Variants in SGK3 observed in about 807,000 individuals in gnomAD.
SGK3 encodes the protein serum/glucocorticoid regulated kinase family member 3.
SGK3 carries 47 observed loss-of-function variants against 68.5 expected under a neutral mutation model. That is an observed-to-expected ratio of 0.69 (90% CI 0.54 to 0.87). SGK3 has a LOEUF of 0.87. Ranked by LOEUF, SGK3 falls within the 40% of genes least tolerant of loss-of-function variation. The pLI, the probability that SGK3 is intolerant of heterozygous loss-of-function variation, is 0.00. For missense variants in SGK3, 479 were observed against 575.5 expected, an observed-to-expected ratio of 0.83 and a Z score of 1.72; for synonymous variants, 181 against 189.1, an observed-to-expected ratio of 0.96 and a Z score of 0.35.
At chr8:66,749,122 C>T (rs1179904981) in intron 1 of SGK3, among the ~76,000 whole-genome samples, 2 of 152,018 alleles carry the variant, frequency 1.3e-5, no homozygotes, top group South Asian at 2.1e-4. Context: ...TAAGAAAATA[C>T]GAGAGTGGAA....
chr8:66,794,542 C>T (rs919378344), intron 2 of SGK3, among the ~76,000 whole-genome samples: 1 of 152,070 alleles, frequency 6.6e-6, no homozygotes, highest in Admixed American at 6.5e-5. Context: ...CTCCCCACCC[C>T]CCTCACCTAC....
chr8:66,808,857 A>T (rs541484589), intron 4 of SGK3, among the ~76,000 whole-genome samples: 7 of 150,446 alleles, frequency 4.7e-5, no homozygotes, highest in African/African-American at 4.9e-5. Flanking sequence ...GTTTGAAATA[A>T]TTATTTATTT....
chr8:66,776,675 CTATCTT>C (rs1454927544), intron 1 of SGK3, among the ~76,000 whole-genome samples: 2 of 152,326 alleles, frequency 1.3e-5, no homozygotes, highest in South Asian at 4.1e-4. Context: ...ATGATAGTTA[CTATCTT>C]TATCTTTGAC....
intron 1 of SGK3, among the ~76,000 whole-genome samples, chr8:66,737,891 T>C (rs985930675): frequency 6.6e-5 from 10 of 152,122 alleles, no homozygotes; most frequent in Middle Eastern, 3.4e-3. Flanking sequence ...GCTGGAATTA[T>C]AGGCATGAGC....
intron 1 of SGK3, among the ~76,000 whole-genome samples, chr8:66,717,023 CTG>C (rs1320410250): frequency 6.6e-6 from 1 of 151,346 alleles, no homozygotes; most frequent in African/African-American, 2.4e-5. Context: ...CGGCGAAACC[CTG>C]TCTCTACTAA....
chr8:66,839,986 C>G lies in SGK3; in HGVS notation c.742-17C>G, dbSNP rs960604032. ...CTAACATTCTCTCTCCCCCCACCCC[C>G]ACAACCAATTTGACAGCTTTTTTTC... On this transcript the variant is annotated splice_polypyrimidine_tract_variant and intron_variant, in intron 10 of 16. Coordinates refer to ENST00000521198, the MANE Select transcript of SGK3 (RefSeq NM_001033578.3). The G allele has an allele frequency of 6.2e-7, 1 of 1,612,132 alleles. No homozygotes were observed. The highest frequency in any genetic ancestry group is 8.5e-7 in the Non-Finnish European group (1 of 1,178,968).
At chr8:66,721,732 A>AT (rs987305273) in intron 1 of SGK3, among the ~76,000 whole-genome samples, 178 of 143,858 alleles carry the variant, frequency 1.2e-3, no homozygotes, top group African/African-American at 3.8e-3. Context: ...GTTTTGTGCT[A>AT]TTTTTTTTTC....
chr8:66,714,398 A>T (rs1389641912), intron 1 of SGK3, among the ~76,000 whole-genome samples: 2 of 151,634 alleles, frequency 1.3e-5, no homozygotes, highest in Non-Finnish European at 2.9e-5. Flanking sequence ...TAGAGACCCA[A>T]TGTGGTGACT....
chr8:66,718,459 G>A (rs968523241), intron 1 of SGK3, among the ~76,000 whole-genome samples: 1 of 145,416 alleles, frequency 6.9e-6, no homozygotes, highest in Non-Finnish European at 1.6e-5. Flanking sequence ...ATGTGTGTGT[G>A]TGTGTGTGTG....
intron 1 of SGK3, among the ~76,000 whole-genome samples, chr8:66,779,877 A>G (rs1806904722): frequency 6.6e-6 from 1 of 151,716 alleles, no homozygotes; most frequent in Non-Finnish European, 1.5e-5. Context: ...ATGTGATAAT[A>G]GTTTTAGTGT....
chr8:66,822,016 ATCTG>A (rs1808854618), intron 5 of SGK3, among the ~76,000 whole-genome samples: 1 of 137,946 alleles, frequency 7.2e-6, no homozygotes, highest in Non-Finnish European at 1.5e-5. Context: ...TTTTGGTATT[ATCTG>A]TCTTTCTAAC....
rs940254226 is a variant in SGK3, at chr8:66,850,765, A to T, written c.1231-66A>T. On this transcript the variant is annotated intron_variant, in intron 15 of 16. Coordinates refer to ENST00000521198, the MANE Select transcript of SGK3 (RefSeq NM_001033578.3). ...AAATAGTAATAGTTTGGCTTCATAAAATTATGCAGTTAGTACTTAATATAT... is the reference window on the plus strand; with the variant it reads ...AAATAGTAATAGTTTGGCTTCATAATATTATGCAGTTAGTACTTAATATAT... 3.4e-6 allele frequency: 5 copies of T among 1,471,690 alleles called. No homozygotes were observed. The African/African-American group carries it at 7.1e-5, about 21-fold the overall frequency. 91.2% of individuals were successfully genotyped at this position (1,471,690 alleles called of 1,614,324 possible). A position where few individuals can be genotyped will look rare whatever the true frequency, so the allele number is the denominator to read the frequency against.
chr8:66,834,684 A>G (rs1809438836), intron 8 of SGK3, among the ~76,000 whole-genome samples: 1 of 152,132 alleles, frequency 6.6e-6, no homozygotes, highest in Non-Finnish European at 1.5e-5. Flanking sequence ...CTGTAATCTC[A>G]GCACTTTGGG....
At position 66,805,496 on chromosome 8, in the gene SGK3, G is replaced by A. The variant is rs572909345; in HGVS notation, c.253+1049G>A. ...ATCAGCAGCACTGCACTCCAGCCTG[G>A]GCGACAGAGCGAGACTTCATCTCAA... On this transcript the variant is annotated intron_variant, in intron 4 of 16. Coordinates refer to ENST00000521198, the MANE Select transcript of SGK3 (RefSeq NM_001033578.3). 2.0e-5 allele frequency among the ~76,000 whole-genome samples: 3 copies of A among 150,932 alleles called. No homozygotes were observed. The East Asian group carries it at 5.8e-4, about 29-fold the overall frequency.
At chr8:66,858,961 C>A (rs1810644036) in intron 16 of SGK3, among the ~76,000 whole-genome samples, 1 of 152,086 alleles carries the variant, frequency 6.6e-6, no homozygotes, top group East Asian at 1.9e-4. Context: ...AGCAGAAAAG[C>A]GTTTCAAGGG....
chr8:66,834,688 C>T (rs1054450756), intron 8 of SGK3, among the ~76,000 whole-genome samples: 2 of 152,024 alleles, frequency 1.3e-5, no homozygotes, highest in African/African-American at 4.8e-5. Flanking sequence ...AATCTCAGCA[C>T]TTTGGGAGGC....
intron 8 of SGK3, among the ~76,000 whole-genome samples, chr8:66,833,053 C>A (rs932454241): frequency 2.6e-5 from 4 of 151,376 alleles, no homozygotes; most frequent in African/African-American, 9.7e-5. Flanking sequence ...GCCTGGAGTG[C>A]AGAGTGCAAT....
At chr8:66,772,810 C>T (rs1240070237) in intron 1 of SGK3, among the ~76,000 whole-genome samples, 4 of 152,058 alleles carry the variant, frequency 2.6e-5, no homozygotes, top group East Asian at 3.9e-4. Context: ...GATGGGGTTT[C>T]ACCACATTGC....
chr8:66,722,897 A>G (rs911769302), intron 1 of SGK3, among the ~76,000 whole-genome samples: 1 of 151,520 alleles, frequency 6.6e-6, no homozygotes, highest in Admixed American at 6.6e-5. Flanking sequence ...AAGGTGCCAC[A>G]CACTTTTAAA....
Sources: gnomAD v4.1 joint callset for allele counts (sites outside exome capture counted in the v4.1 genomes callset) on GRCh38, gnomAD v4.1.1 for gene constraint, MANE v1.5 for transcripts, NCBI Gene and HGNC (gene_info 2026-07-23, HGNC 2026-07-21) for gene names.